Variants in FMN2 observed in about 807,000 individuals in gnomAD.
FMN2 encodes the protein formin 2.
Under a neutral mutation model 142.3 loss-of-function variants are expected in FMN2, and 51 were observed. The observed-to-expected ratio is 0.36, with a 90% CI of 0.29 to 0.45. FMN2 has a LOEUF of 0.45. FMN2 is among the 20% of genes least tolerant of loss of function. FMN2 has a pLI of 1.00. For missense variants in FMN2, 1,936 were observed against 2,122.8 expected, an observed-to-expected ratio of 0.91 and a Z score of 1.73; for synonymous variants, 882 against 869.8, an observed-to-expected ratio of 1.01 and a Z score of -0.25.
intron 8 of FMN2, among the ~76,000 whole-genome samples, chr1:240,312,160 A>G (rs951265239): frequency 2.6e-5 from 4 of 152,160 alleles, no homozygotes; most frequent in Admixed American, 2.0e-4. Flanking sequence ...TTAGTTTTGC[A>G]TGGTCCGTCC....
chr1:240,423,497 A>G (rs569699988), intron 15 of FMN2, among the ~76,000 whole-genome samples: 1 of 152,320 alleles, frequency 6.6e-6, no homozygotes, highest in Non-Finnish European at 1.5e-5. Flanking sequence ...TCATACTGAG[A>G]GGCTTTATGA....
chr1:240,240,518 A>G (rs1202416806), intron 6 of FMN2, among the ~76,000 whole-genome samples: 4 of 152,234 alleles, frequency 2.6e-5, no homozygotes, highest in African/African-American at 9.6e-5. Flanking sequence ...GATGATTAAT[A>G]TCTCTCATTG....
intron 14 of FMN2, among the ~76,000 whole-genome samples, chr1:240,390,534 G>A (rs933513202): frequency 2.0e-5 from 3 of 152,160 alleles, no homozygotes; most frequent in Non-Finnish European, 2.9e-5. Flanking sequence ...AAAGCTGTAT[G>A]TGTTTTCTTT....
In FMN2 at chr1:240,318,693, A is replaced by G. The variant is rs1670871380; in HGVS notation, c.4216-10383A>G. Among the ~76,000 whole-genome samples, 4 of 152,222 alleles carry G rather than the reference A, an allele frequency of 2.6e-5. No homozygotes were observed. In the South Asian group the frequency reaches 6.2e-4, roughly 24 times the overall value. ...CTCTGATTTGCACCTTTTAAAAACA[A>G]TCACATTAAGTACTTCATAGAACAT... is the stretch of plus-strand genomic sequence containing the variant. On this transcript the variant is annotated intron_variant, in intron 8 of 17. Coordinates refer to ENST00000319653, the MANE Select transcript of FMN2 (RefSeq NM_020066.5).
chr1:240,426,303 T>C (rs536489197), intron 15 of FMN2, among the ~76,000 whole-genome samples: 1 of 66,636 alleles, frequency 1.5e-5, no homozygotes, highest in South Asian at 7.7e-4. Context: ...ATGGCCTCTT[T>C]TCAAGTAAAA....
At chr1:240,294,151 C>T (rs1669887232) in intron 7 of FMN2, among the ~76,000 whole-genome samples, 1 of 152,122 alleles carries the variant, frequency 6.6e-6, no homozygotes, top group African/African-American at 2.4e-5. Flanking sequence ...TAATAAAGCA[C>T]ACCTACTCCA....
At chr1:240,329,612 A>G in intron 10 of FMN2, 144 bp downstream of exon 10, 4 of 1,114,356 alleles carry the variant, frequency 3.6e-6, no homozygotes, top group Non-Finnish European at 3.8e-6. Flanking sequence ...GGAACATTTT[A>G]TGATTGACCT....
intron 4 of FMN2, among the ~76,000 whole-genome samples, chr1:240,201,006 G>A (rs1463178430): frequency 6.6e-6 from 1 of 152,094 alleles, no homozygotes; most frequent in Non-Finnish European, 1.5e-5. Flanking sequence ...TCTGCCATTT[G>A]TTAGCTCTGG....
At position 240,309,675 on chromosome 1, in the gene FMN2, C is replaced by T. The variant is rs573020398; in HGVS notation, c.4215+14792C>T. The stretch of plus-strand genomic sequence containing the variant: ...TGCATACCAGAGTCAGGAAGAGGAC[C>T]CCCTTCCTCTAGCAGTGCCCCTCCA... On this transcript the variant is annotated intron_variant, in intron 8 of 17. Transcript: ENST00000319653. Among the ~76,000 whole-genome samples, 16 of 152,194 alleles carry T rather than the reference C, an allele frequency of 1.1e-4. No individual in the cohort carries two copies. In the South Asian group the frequency reaches 2.7e-3, roughly 26 times the overall value.
intron 8 of FMN2, among the ~76,000 whole-genome samples, chr1:240,321,048 T>C (rs893676852): frequency 6.6e-6 from 1 of 152,224 alleles, no homozygotes; most frequent in Non-Finnish European, 1.5e-5. Context: ...CTGAATCTTC[T>C]GTGTGATGAG....
intron 13 of FMN2, among the ~76,000 whole-genome samples, chr1:240,337,063 A>C (rs1319700314): frequency 6.6e-6 from 1 of 152,114 alleles, no homozygotes. Flanking sequence ...TAGGAACGAG[A>C]GGGATATAAA....
At chr1:240,148,279 GAGACAGAGAC>G (rs780157437) in intron 2 of FMN2, among the ~76,000 whole-genome samples, 66,529 of 147,196 alleles carry the variant, frequency 0.45, 15,726 homozygotes, top group South Asian at 0.64. Flanking sequence ...GAGATAGACA[GAGACAGAGAC>G]AGACAGAGAC....
At chr1:240,294,724 C>G in intron 7 of FMN2, 98 bp from the exon 8 acceptor site, 1 of 1,050,816 alleles carries the variant, frequency 9.5e-7, no homozygotes, top group Non-Finnish European at 1.5e-6. Flanking sequence ...AGCCCCTGCT[C>G]CCTCTGGCTG....
At chr1:240,223,903 C>G (rs1323288853) in intron 6 of FMN2, among the ~76,000 whole-genome samples, 1 of 151,786 alleles carries the variant, frequency 6.6e-6, no homozygotes, top group African/African-American at 2.4e-5. Flanking sequence ...GGCTAGTGGT[C>G]TATTTTGTTA....
intron 4 of FMN2, among the ~76,000 whole-genome samples, chr1:240,202,053 C>T (rs148019610): frequency 6.0e-4 from 91 of 152,134 alleles, no homozygotes; most frequent in East Asian, 9.6e-4. Flanking sequence ...AGTCCAGACA[C>T]GGGAATATGA....
Position 240,474,387 on chromosome 1 carries a change from T to A in FMN2, c.*233T>A. On this transcript the variant is annotated 3_prime_UTR_variant, in exon 18 of 18. Coordinates refer to ENST00000319653, the MANE Select transcript of FMN2 (RefSeq NM_020066.5). ...TTGACACCTTTTCTTTTTGTAAAAG[T>A]TTATGGTATTATACCGATAGACCAA... 1 of 456,406 alleles carries A rather than the reference T, an allele frequency of 2.2e-6. No individual in the cohort carries two copies. The allele number at this position is 456,406 out of a possible 1,614,324, so 28.3% of individuals were successfully genotyped here.
chr1:240,469,639 C>T (rs982528656), intron 16 of FMN2, among the ~76,000 whole-genome samples: 5 of 152,138 alleles, frequency 3.3e-5, no homozygotes, highest in Non-Finnish European at 7.3e-5. Context: ...GAAGTATAAA[C>T]GATTAAGATG....
Position 240,285,933 on chromosome 1 carries a change from C to T in FMN2, c.4154-8889C>T, listed in dbSNP as rs115067245. Among the ~76,000 whole-genome samples, 1,262 of 151,978 alleles carry T rather than the reference C, an allele frequency of 8.3e-3. 19 individuals are homozygous for T. The highest frequency in any genetic ancestry group is 0.029 in the African/African-American group (1,221 of 41,428). On this transcript the variant is annotated intron_variant, in intron 7 of 17. Coordinates refer to ENST00000319653, the MANE Select transcript of FMN2 (RefSeq NM_020066.5). ...TCCCCCGCTCTGGTTTCTAACATCC[C>T]TTGTAGAGGCTTCCCATAGATGATT...
At chr1:240,371,334 T>C (rs1672857950) in intron 14 of FMN2, among the ~76,000 whole-genome samples, 1 of 152,200 alleles carries the variant, frequency 6.6e-6, no homozygotes, top group Non-Finnish European at 1.5e-5. Context: ...TATTTTTTCA[T>C]GGTTAAGTCT....
Sources: allele counts gnomAD v4.1 joint callset (sites outside exome capture counted in the v4.1 genomes callset), GRCh38; gene constraint gnomAD v4.1.1; transcripts MANE v1.5; gene names NCBI Gene and HGNC (gene_info 2026-07-23, HGNC 2026-07-21).